SHROOM3: variants seen among roughly 807,000 people sequenced by gnomAD.
SHROOM3 encodes the protein protein Shroom3.
In SHROOM3, 47 loss-of-function variants were observed where a neutral mutation model predicts 138.6. The observed-to-expected ratio is 0.34, with a 90% CI of 0.27 to 0.43. The LOEUF (loss-of-function observed/expected upper bound fraction) is 0.43. Among genes scored for constraint, SHROOM3 ranks in the 20% least tolerant of loss-of-function variants. The probability of loss-of-function intolerance (pLI) is 1.00; values close to 1 mark genes in which losing one functional copy is unlikely to be tolerated. For missense variants in SHROOM3, 2,491 were observed against 2,596.5 expected (o/e 0.96, Z 0.88); for synonymous variants, 1,062 against 1,063.3 (o/e 1.00, Z 0.02).
In SHROOM3 at chr4:76,735,868, AATATATATATATATATAT is replaced by A. The variant is rs758812304; in HGVS notation, c.588-2874_588-2857del. 3.6e-3 allele frequency among the ~76,000 whole-genome samples: 67 copies of A among 18,808 alleles called. 1 individual carries two copies. The highest frequency in any genetic ancestry group is 0.031 in the Middle Eastern group (1 of 32). The allele number at this position is 18,808 out of a possible 152,430, so 12.3% of individuals were successfully genotyped here. On this transcript the variant is annotated intron_variant, in intron 4 of 10. Coordinates refer to ENST00000296043, the MANE Select transcript of SHROOM3 (RefSeq NM_020859.4). ...AAAAAAAAAAAAAAAAAAAAAAAAA[AATATATATATATATATAT>A]ATATATATATATATATATTTTAGTG...
At chr4:76,768,411 G>C (rs1030225443) in intron 9 of SHROOM3, among the ~76,000 whole-genome samples, 2 of 152,130 alleles carry the variant, frequency 1.3e-5, no homozygotes, top group African/African-American at 2.4e-5. Context: ...TTTGGAAAAT[G>C]AAATTTTTCC....
intron 2 of SHROOM3, among the ~76,000 whole-genome samples, chr4:76,598,439 G>A (rs965623655): frequency 3.3e-5 from 5 of 152,188 alleles, no homozygotes; most frequent in African/African-American, 1.2e-4. Context: ...AGATGAACAG[G>A]CATTTGGTAG....
chr4:76,587,897 T>C (rs895385745), intron 2 of SHROOM3, among the ~76,000 whole-genome samples: 9 of 152,212 alleles, frequency 5.9e-5, no homozygotes. Flanking sequence ...TAAATAGATA[T>C]TGAACATTTT....
At chr4:76,758,138 G>A (rs1721881889) in intron 8 of SHROOM3, 1 of 152,162 alleles carries the variant, frequency 6.6e-6, no homozygotes. Context: ...TCAGATTTGG[G>A]AAACAGACTA....
At chr4:76,540,275 T>G (rs1733072227) in intron 1 of SHROOM3, among the ~76,000 whole-genome samples, 1 of 152,212 alleles carries the variant, frequency 6.6e-6, no homozygotes, top group Admixed American at 6.5e-5. Flanking sequence ...TTACCCTGTT[T>G]CCTTCTAGCT....
In SHROOM3 at chr4:76,650,600, A is replaced by T. The variant is rs186557628; in HGVS notation, c.324-59556A>T. 2.2e-3 allele frequency among the ~76,000 whole-genome samples: 331 copies of T among 151,870 alleles called. 2 individuals are homozygous for T. Among genetic ancestry groups the T allele is most frequent in the Non-Finnish European group, 1.3e-3 (91 of 67,970 alleles). ...TGCTCTGTCACCCAGGCTGGAGTGC[A>T]GCGGTACGATCTCAGCTCACTGCAA... On this transcript the variant is annotated intron_variant, in intron 2 of 10. Coordinates refer to ENST00000296043, the MANE Select transcript of SHROOM3 (RefSeq NM_020859.4).
chr4:76,578,052 A>G (rs1292772165), intron 2 of SHROOM3, among the ~76,000 whole-genome samples: 1 of 152,208 alleles, frequency 6.6e-6, no homozygotes, highest in East Asian at 1.9e-4. Context: ...TTCAGAATTT[A>G]GATTCTAAAT....
chr4:76,436,319 C>A, intron 1 of SHROOM3, 99 bp downstream of exon 1: 1 of 1,370,424 alleles, frequency 7.3e-7, no homozygotes. Context: ...CTTAATATAA[C>A]TTAATTTGCT....
intron 2 of SHROOM3, among the ~76,000 whole-genome samples, chr4:76,663,746 A>G (rs1202453274): frequency 6.6e-6 from 1 of 152,244 alleles, no homozygotes; most frequent in Non-Finnish European, 1.5e-5. Context: ...AAAACTTTAC[A>G]TAAACATCCA....
intron 2 of SHROOM3, among the ~76,000 whole-genome samples, chr4:76,676,677 T>C (rs1201700543): frequency 2.0e-5 from 3 of 152,056 alleles, no homozygotes; most frequent in Non-Finnish European, 4.4e-5. Flanking sequence ...CAGGGCATGC[T>C]TGTAAAATGG....
chr4:76,515,896 A>G (rs1732435006), intron 1 of SHROOM3, among the ~76,000 whole-genome samples: 1 of 152,222 alleles, frequency 6.6e-6, no homozygotes, highest in East Asian at 1.9e-4. Flanking sequence ...AATTTGAGAT[A>G]TTAGGCATAA....
At chr4:76,613,227 G>C (rs2110062251) in intron 2 of SHROOM3, among the ~76,000 whole-genome samples, 1 of 152,242 alleles carries the variant, frequency 6.6e-6, no homozygotes, top group African/African-American at 2.4e-5. Flanking sequence ...CAGTATTTCT[G>C]CTTACCCAGC....
chr4:76,637,137 T>G (rs1577940232), intron 2 of SHROOM3, among the ~76,000 whole-genome samples: 1 of 152,232 alleles, frequency 6.6e-6, no homozygotes, highest in Admixed American at 6.5e-5. Flanking sequence ...CCAAGAATTA[T>G]AGCCTTTGAA....
At chr4:76,549,529 C>T (rs921071429) in intron 1 of SHROOM3, among the ~76,000 whole-genome samples, 7 of 152,124 alleles carry the variant, frequency 4.6e-5, no homozygotes, top group East Asian at 3.9e-4. Flanking sequence ...CCACCATGCC[C>T]GCCTAATTTT....
intron 2 of SHROOM3, among the ~76,000 whole-genome samples, chr4:76,616,389 A>G (rs1489738845): frequency 6.6e-6 from 1 of 152,240 alleles, no homozygotes; most frequent in Admixed American, 6.5e-5. Context: ...CACAATAGCC[A>G]AAAGGTGGAA....
Position 76,740,689 on chromosome 4 carries a change from A to G in SHROOM3, c.2516A>G (p.Glu839Gly). 1 of 1,614,032 alleles carries G rather than the reference A, an allele frequency of 6.2e-7. No individual in the cohort carries two copies. Among genetic ancestry groups the G allele is most frequent in the Non-Finnish European group, 8.5e-7 (1 of 1,180,024 alleles). Residue 839 changes from glutamate to glycine, a missense_variant, in exon 5 of 11, where the codon GAA becomes GGA. Around this residue, in one of 4 missense-constraint regions of SHROOM3, gnomAD observed 1,733 missense variants for 1,661.6 expected, o/e 1.04. Transcript: ENST00000296043. The surrounding 1 kb of genome is among the most constrained non-coding windows in gnomAD (Gnocchi z 4.0). Reference sequence around the variant, plus strand: ...CACATTCGTTTCTCTGAGTCAGCTGAACCCCTAGGCAACGGGGAGCAGCAC... The same window carrying G: ...CACATTCGTTTCTCTGAGTCAGCTGGACCCCTAGGCAACGGGGAGCAGCAC... ...KAHIRFSESA[E>G]PLGNGEQHFK...
intron 1 of SHROOM3, among the ~76,000 whole-genome samples, chr4:76,544,721 T>C (rs1305641117): frequency 6.6e-6 from 1 of 152,184 alleles, no homozygotes; most frequent in Non-Finnish European, 1.5e-5. Flanking sequence ...ATATTGCCTC[T>C]TTTGAGAGAT....
In SHROOM3 at chr4:76,606,824, A is replaced by G. The variant is rs191873498; in HGVS notation, c.323+51061A>G. ...GCATTATACATTAAATTACATACAT[A>G]GTATTGTACTGGGTAGCTGGCAGGA... On this transcript the variant is annotated intron_variant, in intron 2 of 10. Coordinates refer to ENST00000296043, the MANE Select transcript of SHROOM3 (RefSeq NM_020859.4). 3.9e-5 allele frequency among the ~76,000 whole-genome samples: 6 copies of G among 152,320 alleles called. No homozygotes were observed. In the East Asian group the frequency reaches 1.2e-3, roughly 29 times the overall value.
chr4:76,543,192 T>C (rs932446881), intron 1 of SHROOM3, among the ~76,000 whole-genome samples: 5 of 152,022 alleles, frequency 3.3e-5, no homozygotes, highest in Admixed American at 1.3e-4. Flanking sequence ...AGTGCTATGA[T>C]AGAGTTTATG....
Sources: allele counts gnomAD v4.1 joint callset (sites outside exome capture counted in the v4.1 genomes callset), GRCh38; gene constraint gnomAD v4.1.1; regional missense constraint gnomAD v4.1.1; non-coding constraint Gnocchi (gnomAD v3.1); transcripts MANE v1.5; gene names NCBI Gene and HGNC (gene_info 2026-07-23, HGNC 2026-07-21).